Variants in BAZ2A observed in about 807,000 individuals in gnomAD.
The protein encoded by BAZ2A is bromodomain adjacent to zinc finger domain 2A.
BAZ2A carries 34 observed loss-of-function variants against 199.9 expected under a neutral mutation model. The observed-to-expected ratio is 0.17, with a 90% CI of 0.13 to 0.23. The LOEUF (loss-of-function observed/expected upper bound fraction) is 0.23, where lower values mean the gene tolerates loss of function less well. Among genes scored for constraint, BAZ2A ranks in the 10% least tolerant of loss-of-function variants. The probability of loss-of-function intolerance (pLI) is 1.00; values close to 1 mark genes in which losing one functional copy is unlikely to be tolerated. For synonymous variants in BAZ2A, 857 were observed against 883.9 expected (o/e 0.97, Z 0.54); for missense variants, 2,002 against 2,391.1 (o/e 0.84, Z 3.39).
intron 1 of BAZ2A, chr12:56,636,113 C>T: frequency 6.6e-7 from 1 of 1,510,462 alleles, no homozygotes; most frequent in Non-Finnish European, 9.0e-7. Context: ...AGGCCCCACC[C>T]CTGCTGAGTC....
chr12:56,616,061 G>A (rs1356370945), intron 2 of BAZ2A, among the ~76,000 whole-genome samples: 1 of 152,020 alleles, frequency 6.6e-6, no homozygotes, highest in Non-Finnish European at 1.5e-5. Context: ...CCATCACCAC[G>A]CCCGGCTAAT....
At chr12:56,613,792 G>A (rs1424394560) in intron 4 of BAZ2A, among the ~76,000 whole-genome samples, 161 bp downstream of exon 4, 1 of 152,166 alleles carries the variant, frequency 6.6e-6, no homozygotes, top group Non-Finnish European at 1.5e-5. Flanking sequence ...ATTCAGTTAG[G>A]GCACCAAGTC....
chr12:56,605,893 C>T lies in BAZ2A; in HGVS notation c.2430G>A (p.Arg810=), dbSNP rs1265555668. The T allele has an allele frequency of 1.9e-6, 3 of 1,596,368 alleles. No individual in the cohort carries two copies. The highest frequency in any genetic ancestry group is 2.6e-6 in the Non-Finnish European group (3 of 1,171,102). Residue 810 remains arginine (R), a synonymous_variant, in exon 13 of 29, where the codon AGG becomes AGA. Transcript: ENST00000549884. ...ATQRRLEERQ[R]QQMILEEMKK... ...TCATTTCCTCCAAGATCATCTGCTG[C>T]CTCTGCCGTTCCTCCAAGCGCCTCT...
Position 56,600,050 on chromosome 12 carries a change from C to T in BAZ2A, c.4939G>A (p.Glu1647Lys), listed in dbSNP as rs762129058. The T allele has an allele frequency of 1.3e-5, 21 of 1,613,910 alleles. No homozygotes were observed. Among genetic ancestry groups the T allele is most frequent in the Admixed American group, 1.7e-5 (1 of 60,010 alleles). The change falls in exon 25 of 29, where the codon GAG becomes AAG. Residue 1647 changes from glutamate to lysine, a missense_variant. Physicochemically the swap from Glu to Lys is moderately conservative, Grantham distance 56. Coordinates refer to ENST00000549884, the MANE Select transcript of BAZ2A (RefSeq NM_001300905.2). ...PRIRVWRQTL[E>K]RCRSAAQVCL... ...ACCTGGGCTGCGCTCCGGCACCGCT[C>T]GAGGGTCTGGCGCCAGACACGAATG...
At chr12:56,615,951 T>A (rs1209042990) in intron 2 of BAZ2A, among the ~76,000 whole-genome samples, 1 of 152,216 alleles carries the variant, frequency 6.6e-6, no homozygotes, top group East Asian at 1.9e-4. Context: ...GTCACCAGGC[T>A]GGAGTGCAGT....
rs754253215 is a variant in BAZ2A at position 56,601,132 on chromosome 12, C to A, written c.4295-34G>T. 6 of 1,613,754 alleles carry A rather than the reference C, an allele frequency of 3.7e-6. No homozygotes were observed. In the East Asian group the frequency reaches 1.1e-4, roughly 30 times the overall value. The stretch of plus-strand genomic sequence containing the variant: ...AGATGAGATATATGTGGGGCGCCAG[C>A]TGTGAAGCACTGCCCACACCGGATG... On this transcript the variant is annotated intron_variant, in intron 21 of 28. Transcript: ENST00000549884.
chr12:56,611,987 T>C lies in BAZ2A; in HGVS notation c.1395A>G (p.Ser465=). ...ASTVVSPAVF[S]VVSPASSAVL... The stretch of plus-strand genomic sequence containing the variant: ...CTGCTGAGGAAGCTGGAGAGACCAC[T>C]GAGAAGACTGCTGGAGAGACAACTG... The change falls in exon 6 of 29, where the codon TCA becomes TCG. Residue 465 remains serine (S), a synonymous_variant. Transcript: ENST00000549884. 6.2e-7 allele frequency: 1 copy of C among 1,613,664 alleles called. No individual in the cohort carries two copies. The highest frequency in any genetic ancestry group is 1.1e-5 in the South Asian group (1 of 90,968).
intron 1 of BAZ2A, among the ~76,000 whole-genome samples, chr12:56,624,627 A>AAC (rs1270875497): frequency 2.0e-5 from 3 of 152,106 alleles, no homozygotes; most frequent in African/African-American, 7.2e-5. Flanking sequence ...AAAAAAAAAA[A>AAC]AAAAAAACTC....
At chr12:56,638,212 C>A, upstream of BAZ2A, 1 of 923,126 alleles carries the variant, frequency 1.1e-6, no homozygotes, top group South Asian at 1.5e-5. Context: ...ACCTTAAATA[C>A]TGTTCAGAAA....
In BAZ2A at chr12:56,612,175, G is replaced by C; in HGVS notation, c.1207C>G (p.Pro403Ala). The change falls in exon 6 of 29, where the codon CCA (proline) becomes GCA (alanine). Residue 403 changes from proline to alanine, a missense_variant. This residue lies in a region of BAZ2A where 641 missense variants were observed against 694.5 expected (regional missense o/e 0.92). Transcript: ENST00000549884. ...EEMETQSSDFPPSLTQPAPDQ... is the reference protein window; with the variant it reads ...EEMETQSSDFAPSLTQPAPDQ... ...GGAGCTGGCTGGGTCAGGGATGGTG[G>C]GAAGTCTGAAGATTGAGTTTCCATT... 5.0e-6 allele frequency: 8 copies of C among 1,613,880 alleles called. No homozygotes were observed. Among genetic ancestry groups the C allele is most frequent in the Non-Finnish European group, 6.8e-6 (8 of 1,179,876 alleles).
intron 26 of BAZ2A, 54 bp from the exon 27 acceptor site, chr12:56,599,412 C>A: frequency 6.5e-7 from 1 of 1,540,532 alleles, no homozygotes; most frequent in Non-Finnish European, 8.8e-7. Flanking sequence ...ACTGCTTGCC[C>A]TACTACAATC....
Position 56,602,706 on chromosome 12 carries a change from C to T in BAZ2A, c.3424+7G>A. The T allele has an allele frequency of 1.9e-6, 3 of 1,612,258 alleles. No homozygotes were observed. The highest frequency in any genetic ancestry group is 2.5e-6 in the Non-Finnish European group (3 of 1,178,408). On this transcript the variant is annotated splice_region_variant and intron_variant, in intron 19 of 28. Coordinates refer to ENST00000549884, the MANE Select transcript of BAZ2A (RefSeq NM_001300905.2). ...CTCAGAATCCACACTCCCACAGGCA[C>T]ACCTACCTAAGTTCCCCTCTGTTCC...
At chr12:56,636,485 G>A (rs1184401977), upstream of BAZ2A, 6 of 786,004 alleles carry the variant, frequency 7.6e-6, no homozygotes, top group Admixed American at 3.7e-5. Context: ...TTAGAGAGCT[G>A]TGTTGACACT....
chr12:56,602,806 C>T lies in BAZ2A; in HGVS notation c.3331G>A (p.Ala1111Thr), dbSNP rs1038502632. Residue 1111 changes from alanine (A) to threonine (T), a missense_variant, in exon 19 of 29, where the codon GCG becomes ACG. Ala to Thr is a moderately conservative substitution (Grantham distance 58, BLOSUM62 0). Coordinates refer to ENST00000549884, the MANE Select transcript of BAZ2A (RefSeq NM_001300905.2). Reference protein sequence around the residue: ...KLLHSSQMLRAVSLGQDRYRR... With the variant: ...KLLHSSQMLRTVSLGQDRYRR... ...TAGCGGTCCTGACCCAGGGAGACCG[C>T]CCGAAGCATCTGGGATGAGTGAAGC... 9 of 1,613,842 alleles carry T rather than the reference C, an allele frequency of 5.6e-6. No individual in the cohort carries two copies. The highest frequency in any genetic ancestry group is 6.8e-6 in the Non-Finnish European group (8 of 1,179,790).
rs898139574 is a variant in BAZ2A, at chr12:56,621,061, C to T, written c.-2-3529G>A. The T allele has an allele frequency of 5.1e-6, 5 of 985,202 alleles. No homozygotes were observed. In the East Asian group the frequency reaches 3.4e-4, roughly 67 times the overall value. The allele number at this position is 985,202 out of a possible 1,614,324, so 61.0% of individuals were successfully genotyped here. On this transcript the variant is annotated intron_variant, in intron 1 of 28. Coordinates refer to ENST00000549884, the MANE Select transcript of BAZ2A (RefSeq NM_001300905.2). ...TTCAGAAGTCCTGGAAATACTATGC[C>T]TAGAGGGCCAATTTCATCTGATCCT...
Position 56,611,845 on chromosome 12 carries a change from C to T in BAZ2A, c.1537G>A (p.Val513Ile), listed in dbSNP as rs1950568099. 6.3e-7 allele frequency: 1 copy of T among 1,593,060 alleles called. No individual in the cohort carries two copies. The highest frequency in any genetic ancestry group is 8.6e-7 in the Non-Finnish European group (1 of 1,168,640). The change falls in exon 6 of 29, where the codon GTC becomes ATC. Residue 513 changes from valine (V) to isoleucine (I), a missense_variant. By Grantham distance (29) the Val-to-Ile change is conservative. This residue lies in a region of BAZ2A where 641 missense variants were observed against 694.5 expected (regional missense o/e 0.92). Transcript: ENST00000549884. ...FPTASPANKD[V>I]SSFLETTADV... ...GCAGTGGTTTCTAGAAAGCTGCTGA[C>T]ATCCTTATTTGCTGGGGAGGCTGTT...
At chr12:56,622,729 C>T (rs917078068) in intron 1 of BAZ2A, among the ~76,000 whole-genome samples, 1 of 152,180 alleles carries the variant, frequency 6.6e-6, no homozygotes, top group African/African-American at 2.4e-5. Flanking sequence ...AGATGACTCT[C>T]ATACCAGGAA....
In BAZ2A at chr12:56,606,642, G is replaced by T; in HGVS notation, c.2184C>A (p.Ile728=). 2 of 1,613,642 alleles carry T rather than the reference G, an allele frequency of 1.2e-6. No individual in the cohort carries two copies. Among genetic ancestry groups the T allele is most frequent in the African/African-American group, 2.7e-5 (2 of 74,990 alleles). Residue 728 remains isoleucine (I), a synonymous_variant, in exon 11 of 29, where the codon ATC becomes ATA. Transcript: ENST00000549884. The stretch of plus-strand genomic sequence containing the variant: ...CTCTGATGTCCCTCACCTGCCCTTG[G>T]ATAGTAGTCTGACACTCTCCCCGTT... ...KVQRGECQTT[I]QGQARNKRKQ...
chr12:56,619,231 G>C (rs1057452915), intron 1 of BAZ2A, among the ~76,000 whole-genome samples: 1 of 152,034 alleles, frequency 6.6e-6, no homozygotes, highest in African/African-American at 2.4e-5. Flanking sequence ...TGTAATCCCA[G>C]CTGCTCGGGA....
Sources: allele counts gnomAD v4.1 joint callset (sites outside exome capture counted in the v4.1 genomes callset), GRCh38; gene constraint gnomAD v4.1.1; regional missense constraint gnomAD v4.1.1; transcripts MANE v1.5; gene names NCBI Gene and HGNC (gene_info 2026-07-23, HGNC 2026-07-21).